LPP: variants seen among roughly 807,000 people sequenced by gnomAD.
The protein encoded by LPP is LIM domain containing preferred translocation partner in lipoma.
LPP carries 38 observed loss-of-function variants against 60.4 expected under a neutral mutation model. The observed-to-expected ratio is 0.63, with a 90% CI of 0.49 to 0.83. LPP has a LOEUF of 0.83. Ranked by LOEUF, LPP falls within the 40% of genes least tolerant of loss-of-function variation. The pLI is 0.00. For missense variants in LPP, 902 were observed against 783.6 expected (o/e 1.15, Z -1.80); for synonymous variants, 328 against 290.8 (o/e 1.13, Z -1.30).
intron 8 of LPP, among the ~76,000 whole-genome samples, chr3:188,756,720 T>C (rs1336738835): frequency 6.6e-6 from 1 of 152,172 alleles, no homozygotes; most frequent in Non-Finnish European, 1.5e-5. Context: ...TCTGTACTTG[T>C]GATTTAAAGG....
At chr3:188,430,525 A>G (rs753804483) in intron 4 of LPP, among the ~76,000 whole-genome samples, 2 of 152,148 alleles carry the variant, frequency 1.3e-5, no homozygotes, top group Non-Finnish European at 2.9e-5. Context: ...AACTCAACCT[A>G]TACAATTAAG....
At chr3:188,861,722 G>T (rs558535743) in intron 9 of LPP, among the ~76,000 whole-genome samples, 1 of 152,222 alleles carries the variant, frequency 6.6e-6, no homozygotes, top group South Asian at 2.1e-4. Flanking sequence ...TTGTATCTCT[G>T]ACTTAAAAAC....
chr3:188,261,759 T>A (rs1370059098), intron 2 of LPP, among the ~76,000 whole-genome samples: 1 of 145,652 alleles, frequency 6.9e-6, no homozygotes, highest in Non-Finnish European at 1.5e-5. Flanking sequence ...AAAAAAAAAA[T>A]ATATATTAGC....
chr3:188,188,918 G>A (rs1727358602), intron 1 of LPP, among the ~76,000 whole-genome samples: 2 of 151,902 alleles, frequency 1.3e-5, no homozygotes, highest in South Asian at 4.2e-4. Flanking sequence ...GATGAACACT[G>A]ATCATACTAA....
chr3:188,299,645 GCTAT>G (rs1279841523), intron 2 of LPP, among the ~76,000 whole-genome samples: 2 of 152,162 alleles, frequency 1.3e-5, no homozygotes, highest in Non-Finnish European at 2.9e-5. Context: ...TCTGGGGTGG[GCTAT>G]CTGTTTTTTG....
In LPP at chr3:188,244,626, C is replaced by A. The variant is rs144597557; in HGVS notation, c.-67+19099C>A. ...GTGTGTGGCACTCTTCTCTATTAGA[C>A]GCTTTATTCATTCTCCATTGTATTA... On this transcript the variant is annotated intron_variant, in intron 2 of 11. Transcript: ENST00000617246. Among the ~76,000 whole-genome samples the A allele has an allele frequency of 7.2e-3, 1,104 of 152,328 alleles. 14 individuals carry two copies. The highest frequency in any genetic ancestry group is 0.012 in the Non-Finnish European group (805 of 68,038).
chr3:188,627,490 GCTATT>G (rs1159269974), intron 7 of LPP, among the ~76,000 whole-genome samples: 1 of 152,046 alleles, frequency 6.6e-6, no homozygotes, highest in Non-Finnish European at 1.5e-5. Flanking sequence ...AGCAGAGGTT[GCTATT>G]CTATTTCAGA....
intron 5 of LPP, among the ~76,000 whole-genome samples, chr3:188,500,889 G>T (rs1811626187): frequency 6.6e-6 from 1 of 151,948 alleles, no homozygotes; most frequent in African/African-American, 2.4e-5. Context: ...TGTTAGTAAT[G>T]CCCCTACTTT....
At chr3:188,197,068 A>G (rs1247194699) in intron 1 of LPP, among the ~76,000 whole-genome samples, 1 of 152,220 alleles carries the variant, frequency 6.6e-6, no homozygotes, top group Non-Finnish European at 1.5e-5. Flanking sequence ...TGTGCAAGTG[A>G]TATTTGTTGA....
chr3:188,331,003 T>A (rs1375427313), intron 2 of LPP, among the ~76,000 whole-genome samples: 2 of 152,196 alleles, frequency 1.3e-5, no homozygotes, highest in Non-Finnish European at 2.9e-5. Flanking sequence ...TCTTATTTTT[T>A]CTTCCTGAGA....
intron 1 of LPP, among the ~76,000 whole-genome samples, chr3:188,167,606 A>C (rs1201667354): frequency 1.1e-5 from 1 of 87,954 alleles, no homozygotes; most frequent in Admixed American, 1.2e-4. Flanking sequence ...TTTTTTTTTT[A>C]GGATTCTCTG....
At chr3:188,344,886 G>C (rs1206142733) in intron 3 of LPP, among the ~76,000 whole-genome samples, 1 of 152,140 alleles carries the variant, frequency 6.6e-6, no homozygotes, top group Non-Finnish European at 1.5e-5. Context: ...TCTTATGAGA[G>C]GATCTGGTAA....
chr3:188,483,471 A>C (rs1200149247), intron 4 of LPP, among the ~76,000 whole-genome samples: 1 of 152,226 alleles, frequency 6.6e-6, no homozygotes, highest in Admixed American at 6.5e-5. Flanking sequence ...ATAAATAGAA[A>C]AGATCTCTTC....
intron 2 of LPP, among the ~76,000 whole-genome samples, chr3:188,233,627 A>C (rs1038703252): frequency 6.6e-6 from 1 of 152,232 alleles, no homozygotes; most frequent in Non-Finnish European, 1.5e-5. Flanking sequence ...ACATGAAAAC[A>C]AAATAGGTTT....
At chr3:188,703,594 T>G (rs1476738045) in intron 7 of LPP, among the ~76,000 whole-genome samples, 1 of 151,980 alleles carries the variant, frequency 6.6e-6, no homozygotes, top group African/African-American at 2.4e-5. Context: ...CAAATAAACT[T>G]CAGAAATACT....
intron 1 of LPP, among the ~76,000 whole-genome samples, chr3:188,194,828 T>G (rs1426820939): frequency 6.6e-6 from 1 of 152,188 alleles, no homozygotes; most frequent in African/African-American, 2.4e-5. Context: ...ACCTGTGAGA[T>G]TTGCAGAGTT....
rs75774025 is a variant in LPP at position 188,390,577 on chromosome 3, C to G, written c.-9-15535C>G. ...GCCCTGGCCTGCAGCCACTGCTGGA[C>G]CGGGTGCCAGAACTGGGTTTAGACG... On this transcript the variant is annotated intron_variant, in intron 3 of 11. Coordinates refer to ENST00000617246, the MANE Select transcript of LPP (RefSeq NM_001375462.1). Among the ~76,000 whole-genome samples the G allele has an allele frequency of 9.9e-3, 1,503 of 151,140 alleles. 28 individuals carry two copies. The highest frequency in any genetic ancestry group is 0.035 in the African/African-American group (1,423 of 41,070).
intron 8 of LPP, among the ~76,000 whole-genome samples, chr3:188,736,068 A>C (rs1026172068): frequency 6.6e-6 from 1 of 152,334 alleles, no homozygotes; most frequent in East Asian, 1.9e-4. Context: ...CAGCCCCTTC[A>C]CTTAAATGAT....
At chr3:188,678,827 C>A (rs1858738409) in intron 7 of LPP, among the ~76,000 whole-genome samples, 1 of 152,108 alleles carries the variant, frequency 6.6e-6, no homozygotes, top group Non-Finnish European at 1.5e-5. Context: ...AGAAAAGATG[C>A]ACAAAACGAA....
Sources: allele counts gnomAD v4.1 joint callset (sites outside exome capture counted in the v4.1 genomes callset), GRCh38; gene constraint gnomAD v4.1.1; transcripts MANE v1.5; gene names NCBI Gene and HGNC (gene_info 2026-07-23, HGNC 2026-07-21).